COL4A6: variants seen among roughly 807,000 people sequenced by gnomAD.
COL4A6 encodes collagen type IV alpha 6 chain, also known as collagen alpha-6(IV) chain.
Under a neutral mutation model 126.7 loss-of-function variants are expected in COL4A6, and 59 were observed. That is an observed-to-expected ratio of 0.47 (90% confidence interval 0.38 to 0.58). The LOEUF (loss-of-function observed/expected upper bound fraction) is 0.58. COL4A6 is among the 20% of genes least tolerant of loss of function. The pLI is 0.00. For missense variants in COL4A6, 1,285 were observed against 1,337.3 expected, an observed-to-expected ratio of 0.96 and a Z score of 0.61; for synonymous variants, 547 against 496.6, an observed-to-expected ratio of 1.10 and a Z score of -1.35.
At chrX:108,432,173 A>T (rs1007476863) in intron 2 of COL4A6, among the ~76,000 whole-genome samples, 1 of 112,203 alleles carries the variant, frequency 8.9e-6, no homozygotes, top group African/African-American at 3.2e-5. Context: ...AACCATAGTG[A>T]TATGTCTTTA....
intron 2 of COL4A6, among the ~76,000 whole-genome samples, chrX:108,422,035 G>A: frequency 8.9e-6 from 1 of 112,041 alleles, no homozygotes; most frequent in Non-Finnish European, 1.9e-5. Context: ...TAAAGTATTT[G>A]AGGGTAATGT....
intron 37 of COL4A6, among the ~76,000 whole-genome samples, chrX:108,169,070 T>C (rs761239074): frequency 7.2e-5 from 8 of 111,098 alleles, no homozygotes; most frequent in Non-Finnish European, 1.1e-4. Context: ...TGTATCATCT[T>C]AGTCTTGGGA....
chrX:108,181,879 C>G (rs2034697766), intron 23 of COL4A6, among the ~76,000 whole-genome samples: 1 of 112,044 alleles, frequency 8.9e-6, no homozygotes. Context: ...AAAACAATCC[C>G]CCAAGGTCTG....
At chrX:108,430,879 T>A in intron 2 of COL4A6, among the ~76,000 whole-genome samples, 1 of 111,939 alleles carries the variant, frequency 8.9e-6, no homozygotes, top group Non-Finnish European at 1.9e-5. Context: ...GTGCCTATAC[T>A]AAACTCCAGG....
At chrX:108,220,318 G>A (rs889061104) in intron 4 of COL4A6, among the ~76,000 whole-genome samples, 5 of 111,973 alleles carry the variant, frequency 4.5e-5, no homozygotes, top group Non-Finnish European at 9.4e-5. Flanking sequence ...CCTATGTGGT[G>A]TGTGGTATCT....
intron 2 of COL4A6, among the ~76,000 whole-genome samples, chrX:108,425,658 C>T (rs1478349823): frequency 1.8e-5 from 2 of 108,290 alleles, no homozygotes; most frequent in Non-Finnish European, 3.8e-5. Flanking sequence ...AGCTTGAACC[C>T]GAGAGGCAGA....
chrX:108,313,686 G>T (rs1330780751), intron 2 of COL4A6, among the ~76,000 whole-genome samples: 1 of 106,234 alleles, frequency 9.4e-6, no homozygotes, highest in East Asian at 2.9e-4. Context: ...GTATTGCAAA[G>T]AAAAAAAAAG....
intron 3 of COL4A6, among the ~76,000 whole-genome samples, chrX:108,259,918 T>C (rs921863668): frequency 1.3e-4 from 11 of 83,283 alleles, no homozygotes; most frequent in African/African-American, 4.4e-4. Flanking sequence ...ATTCCAGATA[T>C]AGATACTATC....
At position 108,344,558 on chromosome X, in the gene COL4A6, A is replaced by C. The variant is rs375999387; in HGVS notation, c.64-33730T>G. Reference sequence around the variant, plus strand: ...GGCTTTTTTTTCCTGATGTTTCAAAAAGATACTTTTCATTTTTTTTGAGCA... The same window carrying C: ...GGCTTTTTTTTCCTGATGTTTCAAACAGATACTTTTCATTTTTTTTGAGCA... On this transcript the variant is annotated intron_variant, in intron 2 of 44. Transcript: ENST00000334504. Among the ~76,000 whole-genome samples, 4 of 112,392 alleles carry C rather than the reference A, an allele frequency of 3.6e-5. No homozygotes were observed. In the East Asian group the frequency reaches 1.1e-3, roughly 31 times the overall value.
intron 24 of COL4A6, 102 bp from the exon 25 acceptor site, chrX:108,180,724 C>T (rs2034658938): frequency 1.3e-6 from 1 of 773,086 alleles, no homozygotes; most frequent in Non-Finnish European, 1.9e-6. Flanking sequence ...AGAGCCTCTC[C>T]TTGTCTCACC....
chrX:108,379,436 T>C (rs1163557275), intron 2 of COL4A6, among the ~76,000 whole-genome samples: 1 of 81,690 alleles, frequency 1.2e-5, no homozygotes, highest in African/African-American at 4.8e-5. Flanking sequence ...ATTAAAAAAC[T>C]TTTTTTTTTT....
chrX:108,166,891 CAT>C (rs202016462), intron 37 of COL4A6, among the ~76,000 whole-genome samples: 5,388 of 110,844 alleles, frequency 0.049, 187 homozygotes, highest in African/African-American at 0.11. Flanking sequence ...ACATATAAAG[CAT>C]ATATATGTAT....
chrX:108,398,534 G>A (rs905338533), intron 2 of COL4A6, among the ~76,000 whole-genome samples: 2 of 110,949 alleles, frequency 1.8e-5, no homozygotes, highest in Admixed American at 9.6e-5. Context: ...TAACATTCTT[G>A]TTCCTTGTTC....
At chrX:108,363,073 A>T (rs1433405825) in intron 2 of COL4A6, among the ~76,000 whole-genome samples, 1 of 112,450 alleles carries the variant, frequency 8.9e-6, no homozygotes, top group East Asian at 2.8e-4. Context: ...CAAGGATGGA[A>T]CTGCTAAAAC....
At chrX:108,323,398 A>T (rs1430649648) in intron 2 of COL4A6, among the ~76,000 whole-genome samples, 1 of 112,030 alleles carries the variant, frequency 8.9e-6, no homozygotes, top group Non-Finnish European at 1.9e-5. Flanking sequence ...GAGAAGTATC[A>T]TTGGAGAAGA....
intron 2 of COL4A6, among the ~76,000 whole-genome samples, chrX:108,323,088 T>A (rs915746324): frequency 8.9e-6 from 1 of 112,041 alleles, no homozygotes; most frequent in African/African-American, 3.2e-5. Flanking sequence ...AGGGGATTCA[T>A]GTTTCTTTCT....
intron 2 of COL4A6, among the ~76,000 whole-genome samples, chrX:108,413,125 G>A (rs1249524068): frequency 8.9e-6 from 1 of 112,106 alleles, no homozygotes; most frequent in African/African-American, 3.2e-5. Context: ...AAAGTAATAT[G>A]AAGTAAAAAG....
In COL4A6 at chrX:108,206,659, A is replaced by G. The variant is rs926804652; in HGVS notation, c.547-79T>C. The stretch of plus-strand genomic sequence containing the variant: ...AATGAAAATATGTATGTCCACGAGA[A>G]CTGTACAAGAATGTTCATAGCAACT... On this transcript the variant is annotated intron_variant, in intron 8 of 44. Transcript: ENST00000334504. 1.2e-5 allele frequency: 10 copies of G among 833,210 alleles called. No homozygotes were observed. In the African/African-American group the frequency reaches 2.0e-4, roughly 17 times the overall value. 68.7% of individuals were successfully genotyped at this position (833,210 alleles called of 1,213,427 possible). A position where few individuals can be genotyped will look rare whatever the true frequency, so the allele number is the denominator to read the frequency against.
chrX:108,377,503 A>T (rs1182916038), intron 2 of COL4A6, among the ~76,000 whole-genome samples: 1 of 108,627 alleles, frequency 9.2e-6, no homozygotes, highest in East Asian at 2.8e-4. Context: ...ATCTTCTCTC[A>T]TCCCAAACAT....
Sources: gnomAD v4.1 joint callset for allele counts (sites outside exome capture counted in the v4.1 genomes callset) on GRCh38, gnomAD v4.1.1 for gene constraint, MANE v1.5 for transcripts, NCBI Gene and HGNC (gene_info 2026-07-23, HGNC 2026-07-21) for gene names.